Variants in ADAMTSL3 observed in about 807,000 individuals in gnomAD.
ADAMTSL3 encodes ADAMTS like 3.
ADAMTSL3 carries 128 observed loss-of-function variants against 201.7 expected under a neutral mutation model. That is an observed-to-expected ratio of 0.63 (90% confidence interval 0.55 to 0.73). The LOEUF (loss-of-function observed/expected upper bound fraction) is 0.73. Ranked by LOEUF, ADAMTSL3 falls within the 30% of genes least tolerant of loss-of-function variation. ADAMTSL3 has a pLI of 0.00. For synonymous variants in ADAMTSL3, 738 were observed against 748.4 expected, an observed-to-expected ratio of 0.99 and a Z score of 0.23; for missense variants, 1,990 against 2,119.6, an observed-to-expected ratio of 0.94 and a Z score of 1.20.
chr15:84,025,261 A>C lies in ADAMTSL3; in HGVS notation c.4481A>C (p.Gln1494Pro). The change falls in exon 27 of 30, where the codon CAG becomes CCG. Residue 1494 changes from glutamine (Q) to proline (P), a missense_variant. Coordinates refer to ENST00000286744, the MANE Select transcript of ADAMTSL3 (RefSeq NM_207517.3). ...PARWFTSVWSQCSVSCGEGYH... is the reference protein window; with the variant it reads ...PARWFTSVWSPCSVSCGEGYH... The stretch of plus-strand genomic sequence containing the variant: ...AGGTGGTTCACAAGTGTGTGGTCAC[A>C]GTGCTCTGTGTCTTGCGGTGAAGGA... 1 of 1,610,320 alleles carries C rather than the reference A, an allele frequency of 6.2e-7. No individual in the cohort carries two copies. Among genetic ancestry groups the C allele is most frequent in the African/African-American group, 1.3e-5 (1 of 75,006 alleles).
At chr15:83,850,768 G>A (rs954263851) in intron 7 of ADAMTSL3, among the ~76,000 whole-genome samples, 2 of 152,130 alleles carry the variant, frequency 1.3e-5, no homozygotes, top group African/African-American at 4.8e-5. Flanking sequence ...CAGAGCACTT[G>A]GTACTCCTGG....
chr15:83,956,104 G>T (rs1241815268), intron 19 of ADAMTSL3, among the ~76,000 whole-genome samples: 3 of 152,124 alleles, frequency 2.0e-5, no homozygotes, highest in African/African-American at 7.2e-5. Context: ...ACTGGAATAG[G>T]CACTTCCCCT....
rs1219876873 is a variant in ADAMTSL3, at chr15:83,993,170, C to A, written c.3973+1956C>A. ...CCTAATGGAGTTTTCTAGGGAAATT[C>A]ATCTTTTTTAAGACAGATGGTGAAG... On this transcript the variant is annotated intron_variant, in intron 23 of 29. Transcript: ENST00000286744. 2.0e-5 allele frequency among the ~76,000 whole-genome samples: 3 copies of A among 152,172 alleles called. 1 individual carries two copies. Among genetic ancestry groups the A allele is most frequent in the African/African-American group, 7.2e-5 (3 of 41,452 alleles).
At chr15:83,770,792 G>A (rs912551907) in intron 3 of ADAMTSL3, among the ~76,000 whole-genome samples, 10 of 152,110 alleles carry the variant, frequency 6.6e-5, no homozygotes, top group Middle Eastern at 3.2e-3. Context: ...AAAACACGCC[G>A]GGCATGGTGG....
chr15:83,996,431 A>G (rs944166008), intron 23 of ADAMTSL3, among the ~76,000 whole-genome samples: 3 of 152,306 alleles, frequency 2.0e-5, no homozygotes, highest in Middle Eastern at 3.4e-3. Context: ...TATTTGTTAT[A>G]TAGTACCAGA....
At chr15:83,776,948 T>G (rs1596187906) in intron 4 of ADAMTSL3, among the ~76,000 whole-genome samples, 2 of 152,050 alleles carry the variant, frequency 1.3e-5, no homozygotes. Flanking sequence ...GTGAGCAGAA[T>G]GGCAGTCCCC....
chr15:84,031,267 A>G, intron 27 of ADAMTSL3, 68 bp from the exon 28 acceptor site: 2 of 1,486,198 alleles, frequency 1.3e-6, no homozygotes, highest in South Asian at 1.1e-5. Context: ...GCCTCAGTAC[A>G]TGATCTTAGT....
chr15:83,824,167 C>G (rs2063965857), intron 6 of ADAMTSL3, among the ~76,000 whole-genome samples: 2 of 151,922 alleles, frequency 1.3e-5, no homozygotes, highest in African/African-American at 2.4e-5. Flanking sequence ...CCTCAGCCTC[C>G]CACGTAGCTG....
chr15:83,892,578 A>C, intron 12 of ADAMTSL3, 106 bp from the exon 13 acceptor site: 1 of 1,101,996 alleles, frequency 9.1e-7, no homozygotes. Context: ...AGGCTCATTC[A>C]GCTGAACCAC....
rs778278821 is a variant in ADAMTSL3, at chr15:83,982,959, G to A, written c.3331G>A (p.Glu1111Lys). 6.2e-7 allele frequency: 1 copy of A among 1,614,154 alleles called. No individual in the cohort carries two copies. Among genetic ancestry groups the A allele is most frequent in the Non-Finnish European group, 8.5e-7 (1 of 1,180,028 alleles). ...CATGAGTCAGCTCATGGAAACCGGA[G>A]AGGTCAGCGATGATCTTGCGTCCCA... is the stretch of plus-strand genomic sequence containing the variant. ...RNMSQLMETG[E>K]VSDDLASQLI... Residue 1111 changes from glutamate to lysine, a missense_variant, in exon 21 of 30, where the codon GAG becomes AAG. Transcript: ENST00000286744.
rs1263273580 is a variant in ADAMTSL3, at chr15:83,991,188, A to G, written c.3947A>G (p.Asn1316Ser). 1 of 1,614,164 alleles carries G rather than the reference A, an allele frequency of 6.2e-7. No individual in the cohort carries two copies. The highest frequency in any genetic ancestry group is 8.5e-7 in the Non-Finnish European group (1 of 1,180,008). Residue 1316 changes from asparagine (N) to serine (S), a missense_variant, in exon 23 of 30, where the codon AAC (asparagine) becomes AGC (serine). Asn to Ser is a conservative substitution (Grantham distance 46). Transcript: ENST00000286744. ...GGIVEAALGA[N>S]VTIRCPVKGV... is the part of the protein sequence containing the mutation. ...ATCGTGGAGGCAGCCCTTGGAGCAA[A>G]CGTGACAATCCGATGTCCTGTAAAA...
At chr15:83,711,619 A>C (rs1405379660) in intron 3 of ADAMTSL3, among the ~76,000 whole-genome samples, 2 of 152,272 alleles carry the variant, frequency 1.3e-5, no homozygotes, top group African/African-American at 2.4e-5. Flanking sequence ...TGTTAAGAGA[A>C]GACAAGAACA....
chr15:83,739,418 TCA>T (rs2062419601), intron 3 of ADAMTSL3, among the ~76,000 whole-genome samples: 2 of 149,356 alleles, frequency 1.3e-5, no homozygotes, highest in South Asian at 4.6e-4. Flanking sequence ...ATGTGAACGG[TCA>T]CAGTTAAAAC....
At chr15:83,770,153 C>T (rs934383591) in intron 3 of ADAMTSL3, among the ~76,000 whole-genome samples, 4 of 152,076 alleles carry the variant, frequency 2.6e-5, no homozygotes, top group Non-Finnish European at 4.4e-5. Flanking sequence ...CACTCCTCTC[C>T]CTATGCATGT....
At chr15:83,762,235 C>A (rs1337375697) in intron 3 of ADAMTSL3, among the ~76,000 whole-genome samples, 1 of 152,076 alleles carries the variant, frequency 6.6e-6, no homozygotes, top group Non-Finnish European at 1.5e-5. Flanking sequence ...TTCCTAAATA[C>A]ACTAATATCT....
At chr15:83,927,113 C>T (rs1478755862) in intron 17 of ADAMTSL3, among the ~76,000 whole-genome samples, 1 of 151,360 alleles carries the variant, frequency 6.6e-6, no homozygotes, top group Non-Finnish European at 1.5e-5. Context: ...CCTTTTCTTT[C>T]TTTCTTTCTT....
rs56205864 is a variant in ADAMTSL3 at position 83,738,046 on chromosome 15, C to T, written c.189+33538C>T. Among the ~76,000 whole-genome samples, 498 of 152,096 alleles carry T rather than the reference C, an allele frequency of 3.3e-3. 4 individuals are homozygous for T. Among genetic ancestry groups the T allele is most frequent in the African/African-American group, 0.011 (467 of 41,458 alleles). On this transcript the variant is annotated intron_variant, in intron 3 of 29. Transcript: ENST00000286744. ...TGTTCAAGTACTACAAGATGATTAC[C>T]CAAGACTGTCTCCGAAATAATTAAT...
At chr15:83,702,134 C>G (rs2061786923) in intron 2 of ADAMTSL3, among the ~76,000 whole-genome samples, 1 of 152,134 alleles carries the variant, frequency 6.6e-6, no homozygotes, top group African/African-American at 2.4e-5. Context: ...TGCCCCTGCC[C>G]TAGAGATTTG....
intron 9 of ADAMTSL3, 121 bp downstream of exon 9, chr15:83,871,080 A>G (rs2065072219): frequency 1.8e-6 from 2 of 1,127,276 alleles, no homozygotes; most frequent in African/African-American, 3.2e-5. Context: ...AGCATGTGTC[A>G]TCAATATTTC....
Sources: gnomAD v4.1 joint callset for allele counts (sites outside exome capture counted in the v4.1 genomes callset) on GRCh38, gnomAD v4.1.1 for gene constraint, MANE v1.5 for transcripts, NCBI Gene and HGNC (gene_info 2026-07-23, HGNC 2026-07-21) for gene names.